The following NEGR1 variants were observed in gnomAD, a reference collection of about 807,000 sequenced individuals.
The protein encoded by NEGR1 is IgLON family member 4.
Under a neutral mutation model 40.9 loss-of-function variants are expected in NEGR1, and 10 were observed. The ratio of observed to expected loss-of-function variants is 0.24; its 90% CI spans 0.15 to 0.42. The LOEUF is 0.42. NEGR1 is among the 10% of genes least tolerant of loss of function. The pLI, the probability that NEGR1 is intolerant of heterozygous loss-of-function variation, is 1.00. For missense variants in NEGR1, 352 were observed against 438.9 expected, an observed-to-expected ratio of 0.80 and a Z score of 1.77; for synonymous variants, 185 against 166.8, an observed-to-expected ratio of 1.11 and a Z score of -0.84.
rs969398369 is a variant in NEGR1, at chr1:71,532,893, T to A, written c.940+59924A>T. On this transcript the variant is annotated intron_variant, in intron 6 of 6. Transcript: ENST00000357731. ...GGACTTGTGACAGGACTAGAGGTAG[T>A]AGGTTCAATAATTTCTACAAAAAGG... 8.6e-5 allele frequency among the ~76,000 whole-genome samples: 13 copies of A among 151,576 alleles called. 1 individual carries two copies. The South Asian group carries it at 1.4e-3, about 17-fold the overall frequency.
chr1:71,787,342 G>T (rs546794346), intron 2 of NEGR1, among the ~76,000 whole-genome samples: 25 of 152,214 alleles, frequency 1.6e-4, no homozygotes, highest in African/African-American at 6.0e-4. Context: ...TCCCATGATG[G>T]CCAAGGCCCT....
At chr1:71,649,231 T>A (rs931332648) in intron 4 of NEGR1, among the ~76,000 whole-genome samples, 6 of 152,070 alleles carry the variant, frequency 3.9e-5, no homozygotes, top group Non-Finnish European at 8.8e-5. Context: ...AAAGCAAAAC[T>A]TTCATATTCT....
intron 3 of NEGR1, among the ~76,000 whole-genome samples, chr1:71,723,022 A>C (rs1654560375): frequency 8.0e-6 from 1 of 124,664 alleles, no homozygotes; most frequent in South Asian, 2.5e-4. Flanking sequence ...TTTTCCTAGA[A>C]AGTTTCTGAA....
intron 6 of NEGR1, among the ~76,000 whole-genome samples, chr1:71,471,862 C>T (rs1036397333): frequency 9.9e-5 from 15 of 152,154 alleles, no homozygotes; most frequent in African/African-American, 3.6e-4. Flanking sequence ...TTCTTCACAA[C>T]AGAACAACGT....
intron 2 of NEGR1, among the ~76,000 whole-genome samples, chr1:71,846,515 C>T (rs1659420034): frequency 6.6e-6 from 1 of 152,092 alleles, no homozygotes; most frequent in East Asian, 1.9e-4. Flanking sequence ...GTAAAGCTGA[C>T]TCTCTCATCC....
intron 1 of NEGR1, among the ~76,000 whole-genome samples, chr1:71,978,699 A>T (rs1011137634): frequency 1.3e-5 from 2 of 152,172 alleles, no homozygotes; most frequent in African/African-American, 4.8e-5. Context: ...TAAAAAATCA[A>T]AAATAACATG....
chr1:72,026,136 A>AAAAAAAAAAAAAAAAAG (rs1646807072), intron 1 of NEGR1, among the ~76,000 whole-genome samples: 1 of 149,330 alleles, frequency 6.7e-6, no homozygotes, highest in Non-Finnish European at 1.5e-5. Flanking sequence ...AAAAAAAAAA[A>AAAAAAAAAAAAAAAAAG]AAAAAAATGA....
intron 3 of NEGR1, among the ~76,000 whole-genome samples, chr1:71,735,702 C>A (rs942191956): frequency 3.3e-5 from 5 of 151,744 alleles, no homozygotes; most frequent in African/African-American, 9.7e-5. Context: ...TGTAAAAGTA[C>A]ATAATTATAT....
chr1:72,251,892 C>T (rs1655109120), intron 1 of NEGR1, among the ~76,000 whole-genome samples: 1 of 152,074 alleles, frequency 6.6e-6, no homozygotes. Context: ...TACTTGTTTA[C>T]TCCCTCAGAA....
chr1:71,656,856 A>T (rs1334416506), intron 4 of NEGR1, among the ~76,000 whole-genome samples: 2 of 152,038 alleles, frequency 1.3e-5, no homozygotes, highest in Non-Finnish European at 2.9e-5. Context: ...GCATCTTGTT[A>T]GGCTCTGGGA....
chr1:71,968,925 T>A (rs1373871115), intron 1 of NEGR1, among the ~76,000 whole-genome samples: 1 of 152,202 alleles, frequency 6.6e-6, no homozygotes, highest in Non-Finnish European at 1.5e-5. Flanking sequence ...GGAATGTGGC[T>A]TCCTGGTAAA....
At chr1:72,057,987 C>G (rs193259261) in intron 1 of NEGR1, among the ~76,000 whole-genome samples, 3 of 151,614 alleles carry the variant, frequency 2.0e-5, no homozygotes, top group African/African-American at 7.2e-5. Context: ...TTTGAGGGAT[C>G]ACAGTTAGGT....
At chr1:71,678,701 C>T (rs1652727622) in intron 4 of NEGR1, among the ~76,000 whole-genome samples, 1 of 152,048 alleles carries the variant, frequency 6.6e-6, no homozygotes, top group South Asian at 2.1e-4. Context: ...TCAACAGTTA[C>T]TTGTTGGTTA....
chr1:71,657,670 G>A (rs1417284630), intron 4 of NEGR1, among the ~76,000 whole-genome samples: 1 of 152,150 alleles, frequency 6.6e-6, no homozygotes, highest in Non-Finnish European at 1.5e-5. Flanking sequence ...AACTTACAAA[G>A]AGCAGGCTGG....
chr1:72,243,514 T>C (rs958201566), intron 1 of NEGR1, among the ~76,000 whole-genome samples: 5 of 151,812 alleles, frequency 3.3e-5, no homozygotes, highest in Non-Finnish European at 7.4e-5. Flanking sequence ...AAAAGAATGA[T>C]TTATATGTCT....
At chr1:72,205,740 C>A (rs1469743336) in intron 1 of NEGR1, among the ~76,000 whole-genome samples, 10 of 63,896 alleles carry the variant, frequency 1.6e-4, no homozygotes, top group African/African-American at 6.2e-4. Flanking sequence ...GGGCAAATGG[C>A]AAAACCCCAT....
intron 1 of NEGR1, among the ~76,000 whole-genome samples, chr1:72,252,127 CAG>C (rs1557598973): frequency 6.6e-6 from 1 of 151,598 alleles, no homozygotes; most frequent in African/African-American, 2.4e-5. Flanking sequence ...TTTTTTTAGA[CAG>C]AGTTTTGCTC....
chr1:71,608,216 C>G (rs1470093514), intron 5 of NEGR1, among the ~76,000 whole-genome samples: 1 of 152,158 alleles, frequency 6.6e-6, no homozygotes, highest in Non-Finnish European at 1.5e-5. Context: ...ATGCTTCACT[C>G]TGAACTGAAA....
rs1650243155 is a variant in NEGR1, at chr1:71,611,298, A to C, written c.668-152T>G. 5 of 689,492 alleles carry C rather than the reference A, an allele frequency of 7.3e-6. No homozygotes were observed. In the South Asian group the frequency reaches 9.5e-5, roughly 13 times the overall value. The allele number at this position is 689,492 out of a possible 1,614,324, so 42.7% of individuals were successfully genotyped here. ...TCACATTTTCAGTGTTTTATGCTTC[A>C]AATACAAGACTAGTCATTTTCAGCT... On this transcript the variant is annotated intron_variant, in intron 4 of 6. Coordinates refer to ENST00000357731, the MANE Select transcript of NEGR1 (RefSeq NM_173808.3).
Sources: gnomAD v4.1 joint callset for allele counts (sites outside exome capture counted in the v4.1 genomes callset) on GRCh38, gnomAD v4.1.1 for gene constraint, MANE v1.5 for transcripts, NCBI Gene and HGNC (gene_info 2026-07-23, HGNC 2026-07-21) for gene names.